Variants in LRP2 observed in about 807,000 individuals in gnomAD.
LRP2 encodes the protein LDL receptor related protein 2.
Under a neutral mutation model 531.0 loss-of-function variants are expected in LRP2, and 172 were observed. The ratio of observed to expected loss-of-function variants is 0.32; its 90% CI spans 0.29 to 0.37. The LOEUF is 0.37. LRP2 is among the 10% of genes least tolerant of loss of function. The pLI is 1.00. For synonymous variants in LRP2, 1,992 were observed against 2,027.6 expected (o/e 0.98, Z 0.47); for missense variants, 5,167 against 5,868.3 (o/e 0.88, Z 3.90).
At position 169,128,472 on chromosome 2, in the gene LRP2, T is replaced by C. The variant is rs1025724544; in HGVS notation, c.*191A>G. The C allele has an allele frequency of 1.4e-5, 8 of 578,654 alleles. No homozygotes were observed. The highest frequency in any genetic ancestry group is 2.4e-5 in the Non-Finnish European group (8 of 326,930). 35.8% of individuals were successfully genotyped at this position (578,654 alleles called of 1,614,324 possible). A position where few individuals can be genotyped will look rare whatever the true frequency, so the allele number is the denominator to read the frequency against. On this transcript the variant is annotated 3_prime_UTR_variant, in exon 79 of 79. Transcript: ENST00000649046. ...AGTGCAAAGATATACATATAGTACA[T>C]TGTGATAATTATTTGTAAAAATATG...
intron 3 of LRP2, among the ~76,000 whole-genome samples, chr2:169,308,998 T>A (rs1298719498): frequency 1.3e-5 from 2 of 152,228 alleles, no homozygotes. Flanking sequence ...TTTTCATGTG[T>A]CTGTTGGCTG....
At chr2:169,267,031 G>T (rs1683223645) in intron 16 of LRP2, among the ~76,000 whole-genome samples, 3 of 151,606 alleles carry the variant, frequency 2.0e-5, no homozygotes, top group Non-Finnish European at 4.4e-5. Context: ...GGGACTACAG[G>T]TACATGCCAC....
chr2:169,347,790 C>T (rs1395557073), intron 1 of LRP2, among the ~76,000 whole-genome samples: 2 of 152,092 alleles, frequency 1.3e-5, no homozygotes, highest in Admixed American at 6.6e-5. Flanking sequence ...AGTTACATCA[C>T]GCCTAGAGCA....
intron 1 of LRP2, among the ~76,000 whole-genome samples, chr2:169,352,715 G>A (rs1685882145): frequency 1.3e-5 from 2 of 152,052 alleles, no homozygotes; most frequent in Non-Finnish European, 1.5e-5. Flanking sequence ...CATGAATGAC[G>A]CTGGAAGCCA....
At position 169,185,485 on chromosome 2, in the gene LRP2, T is replaced by C. The variant is rs373707653; in HGVS notation, c.9845+18A>G. On this transcript the variant is annotated intron_variant, in intron 50 of 78. Transcript: ENST00000649046. ...TTTTAATTTTTAACTTTTAAAAAGC[T>C]CATCAGTGTTTTCTTACCTGGAAAC... The C allele has an allele frequency of 3.1e-6, 5 of 1,611,782 alleles. No individual in the cohort carries two copies. The highest frequency in any genetic ancestry group is 3.4e-6 in the Non-Finnish European group (4 of 1,179,690).
rs772772566 is a variant in LRP2 at position 169,226,518 on chromosome 2, C to G, written c.5298G>C (p.Lys1766Asn). Reference protein sequence around the residue: ...IFGISLNPEVKSNDAMVPIAG... With the variant: ...IFGISLNPEVNSNDAMVPIAG... ...CTATGGGGACCATAGCATCATTGCT[C>G]TTCACCTCAGGATTAAGGGAGATTC... is the stretch of plus-strand genomic sequence containing the variant. The change falls in exon 32 of 79, where the codon AAG becomes AAC. Residue 1766 changes from lysine (K) to asparagine (N), a missense_variant. Physicochemically the swap from Lys to Asn is moderately conservative, Grantham distance 94 (BLOSUM62 0). This residue lies in a region of LRP2 where 2,811 missense variants were observed against 3,058.0 expected (regional missense o/e 0.92). Transcript: ENST00000649046. 6.2e-7 allele frequency: 1 copy of G among 1,613,068 alleles called. No individual in the cohort carries two copies. Among genetic ancestry groups the G allele is most frequent in the East Asian group, 2.2e-5 (1 of 44,854 alleles).
chr2:169,236,352 A>G (rs1689604593), intron 28 of LRP2, among the ~76,000 whole-genome samples: 1 of 152,218 alleles, frequency 6.6e-6, no homozygotes, highest in Non-Finnish European at 1.5e-5. Flanking sequence ...ATGCCAATTC[A>G]TGTTTGTTTA....
chr2:169,206,066 G>A lies in LRP2; in HGVS notation c.7513C>T (p.Arg2505Cys), dbSNP rs766295068. 8.1e-6 allele frequency: 13 copies of A among 1,614,168 alleles called. No homozygotes were observed. Among genetic ancestry groups the A allele is most frequent in the Admixed American group, 5.0e-5 (3 of 60,026 alleles). Residue 2505 changes from arginine to cysteine, a missense_variant, in exon 40 of 79, where the codon CGC becomes TGC. Physicochemically the swap from Arg to Cys is radical, Grantham distance 180. Transcript: ENST00000649046. ...ACAATTGCTCTTGGTTTTGGAACGC[G>A]GGCTATCACAGTGCGGTTAGACCCA... Reference protein sequence around the residue: ...EDGSNRTVIARVPKPRAIVLD... With the variant: ...EDGSNRTVIACVPKPRAIVLD...
At chr2:169,346,423 G>C (rs1685698565) in intron 1 of LRP2, among the ~76,000 whole-genome samples, 1 of 151,808 alleles carries the variant, frequency 6.6e-6, no homozygotes, top group African/African-American at 2.4e-5. Flanking sequence ...TATCAGAAGT[G>C]ACCTTGAAAA....
At chr2:169,349,407 T>C (rs981396337) in intron 1 of LRP2, among the ~76,000 whole-genome samples, 1 of 152,126 alleles carries the variant, frequency 6.6e-6, no homozygotes, top group African/African-American at 2.4e-5. Context: ...GATATCACTG[T>C]GCCTGGTGCA....
intron 46 of LRP2, among the ~76,000 whole-genome samples, chr2:169,196,498 A>G (rs970880351): frequency 1.3e-5 from 2 of 152,196 alleles, no homozygotes; most frequent in Non-Finnish European, 2.9e-5. Flanking sequence ...GAGAACAGGA[A>G]GAGGATGCAT....
intron 31 of LRP2, among the ~76,000 whole-genome samples, chr2:169,228,793 G>T (rs1311126435): frequency 6.6e-6 from 1 of 152,186 alleles, no homozygotes; most frequent in Non-Finnish European, 1.5e-5. Context: ...TGAGCATCAT[G>T]GTGGGGGATG....
At chr2:169,244,608 C>T (rs1265543958) in intron 22 of LRP2, 85 bp downstream of exon 22, 7 of 1,557,776 alleles carry the variant, frequency 4.5e-6, no homozygotes, top group Non-Finnish European at 6.2e-6. Flanking sequence ...TTGCATGAGC[C>T]TTAGAGGAAA....
intron 48 of LRP2, among the ~76,000 whole-genome samples, chr2:169,191,625 A>T (rs1006981095): frequency 1.1e-4 from 16 of 152,052 alleles, no homozygotes; most frequent in African/African-American, 3.9e-4. Flanking sequence ...ATAAAGCCAG[A>T]TATATTAATA....
rs748432854 is a variant in LRP2, at chr2:169,290,980, C to A, written c.787G>T (p.Val263Phe). 1 of 1,613,976 alleles carries A rather than the reference C, an allele frequency of 6.2e-7. No homozygotes were observed. Among genetic ancestry groups the A allele is most frequent in the Non-Finnish European group, 8.5e-7 (1 of 1,180,020 alleles). ...EDGCESGPHD[V>F]HKCSPREWSC... ...CATTCTCTTGGGGAACATTTATGAA[C>A]ATCATGAGGACCGCTTTCTGTGGGG... Residue 263 changes from valine (V) to phenylalanine (F), a missense_variant, in exon 8 of 79, where the codon GTT (valine) becomes TTT (phenylalanine). Physicochemically the swap from Val to Phe is conservative, Grantham distance 50. This residue lies in a region of LRP2 where 2,811 missense variants were observed against 3,058.0 expected (regional missense o/e 0.92). Coordinates refer to ENST00000649046, the MANE Select transcript of LRP2 (RefSeq NM_004525.3).
chr2:169,187,918 T>C (rs1336256961), intron 49 of LRP2, 52 bp downstream of exon 49: 4 of 1,577,680 alleles, frequency 2.5e-6, no homozygotes, highest in Non-Finnish European at 3.5e-6. Context: ...GGGTTGAGAA[T>C]CCATATTCAG....
chr2:169,343,822 G>T (rs1005006480), intron 1 of LRP2, among the ~76,000 whole-genome samples: 1 of 152,124 alleles, frequency 6.6e-6, no homozygotes, highest in Admixed American at 6.5e-5. Context: ...GGCAGCCAGT[G>T]ATTTAAATTT....
At chr2:169,243,835 C>G (rs1689903857) in intron 22 of LRP2, among the ~76,000 whole-genome samples, 1 of 136,374 alleles carries the variant, frequency 7.3e-6, no homozygotes, top group South Asian at 3.3e-4. Flanking sequence ...CTATGAAGTC[C>G]ATGACTCTAG....
chr2:169,239,574 T>C lies in LRP2; in HGVS notation c.4247A>G (p.Asp1416Gly), dbSNP rs1030922398. The C allele has an allele frequency of 8.7e-6, 14 of 1,614,112 alleles. No homozygotes were observed. The highest frequency in any genetic ancestry group is 1.2e-5 in the Non-Finnish European group (14 of 1,179,946). ...ATCACTTTCTAACATGTAGCCTGTA[T>C]CACACGAGCACCGGAAAGAACCTCT... is the stretch of plus-strand genomic sequence containing the variant. ...NMRGSFRCSC[D>G]TGYMLESDGR... is the part of the protein sequence containing the mutation. Residue 1416 changes from aspartate (D) to glycine (G), a missense_variant, in exon 26 of 79, where the codon GAT becomes GGT. Physicochemically the swap from Asp to Gly is moderately conservative, Grantham distance 94. Around this residue, in one of 6 missense-constraint regions of LRP2, gnomAD observed 2,811 missense variants for 3,058.0 expected, o/e 0.92. Coordinates refer to ENST00000649046, the MANE Select transcript of LRP2 (RefSeq NM_004525.3).
Sources: allele counts gnomAD v4.1 joint callset (sites outside exome capture counted in the v4.1 genomes callset), GRCh38; gene constraint gnomAD v4.1.1; regional missense constraint gnomAD v4.1.1; transcripts MANE v1.5; gene names NCBI Gene and HGNC (gene_info 2026-07-23, HGNC 2026-07-21).